The following SHANK2 variants were observed in gnomAD, a reference collection of about 807,000 sequenced individuals.
SHANK2 encodes the protein SH3 and multiple ankyrin repeat domains protein 2.
Under a neutral mutation model 133.7 loss-of-function variants are expected in SHANK2, and 43 were observed. That is an observed-to-expected ratio of 0.32 (90% CI 0.25 to 0.41). SHANK2 has a LOEUF of 0.41. Ranked by LOEUF, SHANK2 falls within the 10% of genes least tolerant of loss-of-function variation. SHANK2 has a pLI of 1.00. For missense variants in SHANK2, 1,994 were observed against 2,235.8 expected, an observed-to-expected ratio of 0.89 and a Z score of 2.18; for synonymous variants, 1,017 against 952.8, an observed-to-expected ratio of 1.07 and a Z score of -1.24.
At chr11:71,179,570 C>T (rs192562371) in intron 2 of SHANK2, among the ~76,000 whole-genome samples, 17 of 152,328 alleles carry the variant, frequency 1.1e-4, no homozygotes, top group Admixed American at 4.6e-4. Context: ...GAGGCGTCCA[C>T]TTTCACACTT....
At chr11:70,738,709 C>T (rs1565281769) in intron 14 of SHANK2, among the ~76,000 whole-genome samples, 1 of 152,314 alleles carries the variant, frequency 6.6e-6, no homozygotes, top group South Asian at 2.1e-4. Flanking sequence ...AGTGCTGACC[C>T]GTCTCCAGGC....
intron 10 of SHANK2, among the ~76,000 whole-genome samples, chr11:70,924,411 G>A (rs1052429607): frequency 3.3e-5 from 5 of 152,244 alleles, no homozygotes; most frequent in African/African-American, 7.2e-5. Context: ...AACAGCCAGC[G>A]AAATGGTGGG....
At chr11:71,164,089 AG>A (rs1422221956) in intron 2 of SHANK2, among the ~76,000 whole-genome samples, 1 of 152,130 alleles carries the variant, frequency 6.6e-6, no homozygotes, top group East Asian at 1.9e-4. Context: ...CCAAATTTTC[AG>A]GTACCCTGTG....
chr11:70,886,291 A>G (rs964277192), intron 11 of SHANK2, among the ~76,000 whole-genome samples: 1 of 152,146 alleles, frequency 6.6e-6, no homozygotes. Context: ...AAAATATTCT[A>G]TGGGAATCTG....
At chr11:70,843,547 C>T (rs1555062327) in intron 11 of SHANK2, among the ~76,000 whole-genome samples, 1 of 152,028 alleles carries the variant, frequency 6.6e-6, no homozygotes, top group East Asian at 1.9e-4. Flanking sequence ...TCATTGATGT[C>T]CTTGAAGAAG....
intron 8 of SHANK2, among the ~76,000 whole-genome samples, chr11:71,076,537 A>C (rs1951222794): frequency 6.6e-6 from 1 of 152,052 alleles, no homozygotes; most frequent in Non-Finnish European, 1.5e-5. Context: ...CGAAAAACAA[A>C]AAAAAAAACC....
chr11:70,591,395 G>T (rs1301740634), intron 17 of SHANK2, among the ~76,000 whole-genome samples: 2 of 151,956 alleles, frequency 1.3e-5, no homozygotes, highest in Non-Finnish European at 2.9e-5. Flanking sequence ...AAAGAAAAAA[G>T]AAGGTAGAAA....
At chr11:70,789,244 C>T (rs782752043) in intron 14 of SHANK2, among the ~76,000 whole-genome samples, 4 of 152,124 alleles carry the variant, frequency 2.6e-5, no homozygotes, top group Admixed American at 1.3e-4. Flanking sequence ...AGGGCAATTA[C>T]GAGGCTCAAA....
chr11:71,206,637 T>C (rs1293339200), intron 2 of SHANK2, among the ~76,000 whole-genome samples: 2 of 152,240 alleles, frequency 1.3e-5, no homozygotes, highest in Admixed American at 6.5e-5. Context: ...TAATTTGTAA[T>C]ATAATAAAAA....
At chr11:70,548,973 G>T (rs782247989) in intron 17 of SHANK2, among the ~76,000 whole-genome samples, 1 of 152,044 alleles carries the variant, frequency 6.6e-6, no homozygotes, top group Non-Finnish European at 1.5e-5. Context: ...AGTAGGCAAG[G>T]CTCCTCCCCC....
At chr11:70,712,537 T>C (rs557234025) in intron 14 of SHANK2, among the ~76,000 whole-genome samples, 86 of 152,194 alleles carry the variant, frequency 5.7e-4, no homozygotes, top group Non-Finnish European at 9.6e-4. Flanking sequence ...ACAGAAACTA[T>C]GAGGGTGGCA....
chr11:71,168,747 A>T lies in SHANK2; in HGVS notation c.-12-21409T>A, dbSNP rs545660845. Among the ~76,000 whole-genome samples the T allele has an allele frequency of 2.4e-3, 364 of 152,214 alleles. 1 individual carries two copies. The highest frequency in any genetic ancestry group is 8.4e-3 in the African/African-American group (350 of 41,522). On this transcript the variant is annotated intron_variant, in intron 2 of 25. Coordinates refer to ENST00000601538, the MANE Select transcript of SHANK2 (RefSeq NM_012309.5). ...GGCTGAGGCAGGAGAATCAGGCAGC[A>T]GTACCGTCCAGCTTCAGCTCGGCAT...
chr11:70,659,157 G>A (rs1467075143), intron 17 of SHANK2, among the ~76,000 whole-genome samples: 1 of 152,160 alleles, frequency 6.6e-6, no homozygotes, highest in Non-Finnish European at 1.5e-5. Context: ...CGTGCCAACC[G>A]TAGGGACTGT....
intron 21 of SHANK2, among the ~76,000 whole-genome samples, chr11:70,495,621 G>C (rs946915495): frequency 6.6e-6 from 1 of 152,304 alleles, no homozygotes; most frequent in Admixed American, 6.5e-5. Flanking sequence ...AGGGCACTGC[G>C]GGGTGGGGAT....
At chr11:70,939,145 G>T (rs782529528) in intron 10 of SHANK2, among the ~76,000 whole-genome samples, 3 of 152,178 alleles carry the variant, frequency 2.0e-5, no homozygotes, top group African/African-American at 2.4e-5. Context: ...TGTTCTTTCT[G>T]ACTTTCCCTC....
chr11:71,132,246 G>A (rs1952326321), intron 3 of SHANK2, among the ~76,000 whole-genome samples: 1 of 152,160 alleles, frequency 6.6e-6, no homozygotes, highest in Admixed American at 6.5e-5. Flanking sequence ...CAACCTCAGA[G>A]CAAAGATGCT....
At position 70,701,578 on chromosome 11, in the gene SHANK2, T is replaced by G. The variant is rs143557451; in HGVS notation, c.1778-2815A>C. 5.4e-3 allele frequency among the ~76,000 whole-genome samples: 826 copies of G among 152,114 alleles called. 18 individuals carry two copies. The highest frequency in any genetic ancestry group is 0.019 in the African/African-American group (780 of 41,492). On this transcript the variant is annotated intron_variant, in intron 14 of 25. Transcript: ENST00000601538. ...ACCACGCCCAGCTAATTTTTATATT[T>G]TTTTTTTCGTAGAGACGGGGTTTCA...
intron 17 of SHANK2, among the ~76,000 whole-genome samples, chr11:70,655,990 G>GAGAC (rs1457565979): frequency 1.3e-5 from 2 of 152,170 alleles, no homozygotes; most frequent in African/African-American, 4.8e-5. Context: ...TTCACTGAGT[G>GAGAC]AGACCTACAG....
At chr11:70,874,800 A>G (rs1275762004) in intron 11 of SHANK2, among the ~76,000 whole-genome samples, 2 of 152,040 alleles carry the variant, frequency 1.3e-5, no homozygotes, top group Non-Finnish European at 2.9e-5. Flanking sequence ...ACACGAGTTC[A>G]CTTTGTCTTT....
Sources: gnomAD v4.1 joint callset for allele counts (sites outside exome capture counted in the v4.1 genomes callset) on GRCh38, gnomAD v4.1.1 for gene constraint, MANE v1.5 for transcripts, NCBI Gene and HGNC (gene_info 2026-07-23, HGNC 2026-07-21) for gene names.